Variants in RTL4 observed in about 807,000 individuals in gnomAD.
RTL4 encodes the protein retrotransposon Gag like 4.
Under a neutral mutation model 5.3 loss-of-function variants are expected in RTL4, and 4 were observed. That is an observed-to-expected ratio of 0.75 (90% confidence interval 0.37 to 1.72). RTL4 has a LOEUF of 1.72. Among genes scored for constraint, RTL4 ranks in the 40% most tolerant of loss-of-function variants. The probability of loss-of-function intolerance (pLI) is 0.04; values close to 1 mark genes in which losing one functional copy is unlikely to be tolerated. For synonymous variants in RTL4, 98 were observed against 87.3 expected (o/e 1.12, Z -0.68); for missense variants, 260 against 227.1 (o/e 1.14, Z -0.93).
upstream of RTL4, among the ~76,000 whole-genome samples, chrX:112,450,252 G>C (rs921371292): frequency 2.7e-5 from 3 of 112,427 alleles, no homozygotes; most frequent in Non-Finnish European, 5.6e-5. Context: ...GTTAACTATG[G>C]CTTTGAGCCA....
At chrX:112,119,198 GA>G in the RTL4 span, among the ~76,000 whole-genome samples, 1 of 110,194 alleles carries the variant, frequency 9.1e-6, no homozygotes, top group Non-Finnish European at 1.9e-5. Context: ...AGTGTGTATA[GA>G]CTATTCTTTC....
At chrX:112,207,521 A>G in the RTL4 span, among the ~76,000 whole-genome samples, 2 of 111,923 alleles carry the variant, frequency 1.8e-5, no homozygotes, top group African/African-American at 6.5e-5. Context: ...TGTATTTTTG[A>G]GCAGGAAGCT....
the RTL4 span, among the ~76,000 whole-genome samples, chrX:112,302,715 T>A: frequency 8.9e-6 from 1 of 112,343 alleles, no homozygotes; most frequent in Non-Finnish European, 1.9e-5. Flanking sequence ...TTTCGAGCAT[T>A]TACAATGTGC....
At chrX:112,111,533 T>C in the RTL4 span, among the ~76,000 whole-genome samples, 1 of 112,602 alleles carries the variant, frequency 8.9e-6, no homozygotes. Flanking sequence ...CCCCCAGAGG[T>C]TAGGAACTCC....
At chrX:112,304,029 T>A in the RTL4 span, among the ~76,000 whole-genome samples, 1 of 110,544 alleles carries the variant, frequency 9.0e-6, no homozygotes, top group Non-Finnish European at 1.9e-5. Flanking sequence ...AATGTGGCCC[T>A]TTTTCTCTTT....
the RTL4 span, among the ~76,000 whole-genome samples, chrX:112,356,285 C>A: frequency 9.0e-6 from 1 of 111,566 alleles, no homozygotes; most frequent in Non-Finnish European, 1.9e-5. Context: ...GCTCAAAATT[C>A]ATGCTACAGA....
the RTL4 span, among the ~76,000 whole-genome samples, chrX:112,202,153 CCT>C: frequency 9.0e-6 from 1 of 111,608 alleles, no homozygotes; most frequent in East Asian, 2.8e-4. Context: ...TTCCGCAACC[CCT>C]GTCTATAACA....
chrX:112,455,483 C>T (rs865997204), exon 1 of RTL4: 1 of 1,211,468 alleles, frequency 8.3e-7, no homozygotes, highest in Non-Finnish European at 1.1e-6. Context: ...GATCCACCAC[C>T]CAAGAAAGGG....
At chrX:112,249,343 A>T in the RTL4 span, among the ~76,000 whole-genome samples, 7 of 111,467 alleles carry the variant, frequency 6.3e-5, no homozygotes, top group East Asian at 2.0e-3. Flanking sequence ...ATTCATCTGG[A>T]TCAACTCTTG....
the RTL4 span, among the ~76,000 whole-genome samples, chrX:112,261,401 GACAA>G: frequency 9.4e-6 from 1 of 106,717 alleles, no homozygotes; most frequent in East Asian, 2.9e-4. Context: ...ACCAATAGCA[GACAA>G]ACAGAGAGCC....
At chrX:112,207,764 T>A in the RTL4 span, among the ~76,000 whole-genome samples, 1 of 110,194 alleles carries the variant, frequency 9.1e-6, no homozygotes, top group African/African-American at 3.3e-5. Context: ...AGTCTTTCTC[T>A]TTAAAACTCC....
the RTL4 span, among the ~76,000 whole-genome samples, chrX:112,224,611 T>C: frequency 1.8e-5 from 2 of 111,182 alleles, no homozygotes; most frequent in Non-Finnish European, 3.8e-5. Flanking sequence ...ATTCCTGGGA[T>C]TATAGGCGTG....
At chrX:112,180,520 T>C in the RTL4 span, among the ~76,000 whole-genome samples, 1 of 112,116 alleles carries the variant, frequency 8.9e-6, no homozygotes, top group East Asian at 2.8e-4. Flanking sequence ...AAGCCTTTCT[T>C]TTTCTATTAA....
chrX:112,382,774 G>A, the RTL4 span, among the ~76,000 whole-genome samples: 1 of 111,838 alleles, frequency 8.9e-6, no homozygotes, highest in East Asian at 2.8e-4. Context: ...GAGTGAAAAA[G>A]CATTCTGATA....
chrX:112,451,685 C>T (rs1451868191), upstream of RTL4, among the ~76,000 whole-genome samples: 1 of 111,553 alleles, frequency 9.0e-6, no homozygotes, highest in Non-Finnish European at 1.9e-5. Context: ...CAAACCAAGT[C>T]GCTTTGAGTT....
the RTL4 span, among the ~76,000 whole-genome samples, chrX:112,196,538 C>G: frequency 1.7e-4 from 19 of 111,725 alleles, no homozygotes; most frequent in Non-Finnish European, 3.0e-4. Context: ...TATTTGCATA[C>G]TAGTTTTTTT....
At chrX:112,188,209 A>G in the RTL4 span, among the ~76,000 whole-genome samples, 1 of 111,643 alleles carries the variant, frequency 9.0e-6, no homozygotes, top group African/African-American at 3.3e-5. Context: ...GCTGGAATTG[A>G]GCCTAGGACT....
At chrX:112,325,542 A>C in the RTL4 span, among the ~76,000 whole-genome samples, 31 of 112,243 alleles carry the variant, frequency 2.8e-4, no homozygotes, top group South Asian at 3.7e-4. Context: ...CAAAAACAAG[A>C]AATGGGGAAA....
the RTL4 span, among the ~76,000 whole-genome samples, chrX:112,089,071 T>C: frequency 9.0e-6 from 1 of 111,716 alleles, no homozygotes; most frequent in Admixed American, 9.5e-5. Context: ...TTAAAGCTTA[T>C]TGAAGCCCAA....
Sources: gnomAD v4.1 joint callset for allele counts (sites outside exome capture counted in the v4.1 genomes callset) on GRCh38, gnomAD v4.1.1 for gene constraint, MANE v1.5 for transcripts, NCBI Gene and HGNC (gene_info 2026-07-23, HGNC 2026-07-21) for gene names.